Variants in CFAP299 observed in about 807,000 individuals in gnomAD.
CFAP299 encodes the protein cilia and flagella associated protein 299, also known as cilia- and flagella-associated protein 299.
Under a neutral mutation model 27.0 loss-of-function variants are expected in CFAP299, and 21 were observed. That is an observed-to-expected ratio of 0.78 (90% CI 0.55 to 1.12). The LOEUF (loss-of-function observed/expected upper bound fraction) is 1.12. Among genes scored for constraint, CFAP299 ranks in the 50% most tolerant of loss-of-function variants. CFAP299 has a pLI of 0.00. For missense variants in CFAP299, 310 were observed against 276.6 expected (o/e 1.12, Z -0.86); for synonymous variants, 104 against 98.1 (o/e 1.06, Z -0.36).
At chr4:80,446,700 T>C (rs1728630660) in intron 2 of CFAP299, among the ~76,000 whole-genome samples, 1 of 152,192 alleles carries the variant, frequency 6.6e-6, no homozygotes, top group South Asian at 2.1e-4. Context: ...GATTTTCTCC[T>C]TCCCAAATTT....
chr4:80,866,736 A>T (rs970108782), intron 3 of CFAP299, among the ~76,000 whole-genome samples: 1 of 152,172 alleles, frequency 6.6e-6, no homozygotes, highest in African/African-American at 2.4e-5. Context: ...CCAAGAATTC[A>T]CAAAAATCAC....
At chr4:80,327,411 A>G in the CFAP299 span, among the ~76,000 whole-genome samples, 2 of 151,996 alleles carry the variant, frequency 1.3e-5, no homozygotes, top group Non-Finnish European at 2.9e-5. Context: ...TTCATAAGCC[A>G]AGGGAATGAT....
chr4:80,421,440 A>G (rs1219124701), intron 2 of CFAP299, among the ~76,000 whole-genome samples: 2 of 152,234 alleles, frequency 1.3e-5, no homozygotes, highest in African/African-American at 2.4e-5. Context: ...TAGAAAGCCA[A>G]TAGATTTACT....
intron 3 of CFAP299, among the ~76,000 whole-genome samples, chr4:80,715,662 A>T (rs1722437933): frequency 2.0e-5 from 3 of 152,144 alleles, no homozygotes; most frequent in Admixed American, 2.0e-4. Flanking sequence ...CAAAAAACAA[A>T]AACTGGTTTA....
intron 3 of CFAP299, among the ~76,000 whole-genome samples, chr4:80,640,178 A>T (rs377400186): frequency 6.6e-6 from 1 of 152,194 alleles, no homozygotes; most frequent in Non-Finnish European, 1.5e-5. Context: ...TTCTGAGTTC[A>T]TGTTGCTGGT....
intron 3 of CFAP299, among the ~76,000 whole-genome samples, chr4:80,831,127 A>C (rs1458326557): frequency 1.3e-5 from 2 of 152,128 alleles, no homozygotes; most frequent in East Asian, 3.9e-4. Context: ...TGGTAACACC[A>C]CTGACTGAAG....
At chr4:80,614,682 A>G (rs1382622406) in intron 3 of CFAP299, among the ~76,000 whole-genome samples, 2 of 151,984 alleles carry the variant, frequency 1.3e-5, no homozygotes, top group Admixed American at 1.3e-4. Flanking sequence ...TCTTAAGTTG[A>G]CAGATTAAGT....
chr4:80,510,816 G>C (rs989345209), intron 2 of CFAP299, among the ~76,000 whole-genome samples: 1 of 152,156 alleles, frequency 6.6e-6, no homozygotes, highest in Non-Finnish European at 1.5e-5. Context: ...TTTATCATTT[G>C]TAGTATGTAC....
intron 3 of CFAP299, among the ~76,000 whole-genome samples, chr4:80,724,613 G>A (rs1033694874): frequency 6.6e-6 from 1 of 151,856 alleles, no homozygotes; most frequent in Non-Finnish European, 1.5e-5. Context: ...ACAATAAAAA[G>A]CAGGCCTTTT....
chr4:80,388,005 G>A (rs1560541696), intron 2 of CFAP299: 1 of 714,132 alleles, frequency 1.4e-6, no homozygotes, highest in Non-Finnish European at 2.5e-6. Flanking sequence ...CACTGGTTTG[G>A]CACCTCCAGG....
the CFAP299 span, among the ~76,000 whole-genome samples, chr4:80,326,502 G>C: frequency 6.6e-6 from 1 of 152,216 alleles, no homozygotes; most frequent in African/African-American, 2.4e-5. Flanking sequence ...AGTCGCTACA[G>C]TGGTGTGATG....
chr4:80,710,736 A>G (rs1722111533), intron 3 of CFAP299, among the ~76,000 whole-genome samples: 2 of 151,866 alleles, frequency 1.3e-5, no homozygotes, highest in Admixed American at 1.3e-4. Flanking sequence ...TGAGCTTGAA[A>G]CTTCTCTACC....
intron 2 of CFAP299, among the ~76,000 whole-genome samples, chr4:80,544,863 C>A (rs892690454): frequency 7.9e-5 from 12 of 152,108 alleles, no homozygotes; most frequent in Non-Finnish European, 1.5e-5. Flanking sequence ...ACCAACTGGA[C>A]CTCCTAAACA....
chr4:80,539,826 G>T (rs1328093870), intron 2 of CFAP299, among the ~76,000 whole-genome samples: 1 of 152,158 alleles, frequency 6.6e-6, no homozygotes. Flanking sequence ...CTGTCTTGCT[G>T]CCAGGACATA....
Position 80,494,899 on chromosome 4 carries a change from A to G in CFAP299, c.243-88194A>G, listed in dbSNP as rs866112695. ...AAGAGAGGGCTACAGGCCCCACACA[A>G]GTTCAAATTCTAGCAGGTCAGTCAT... On this transcript the variant is annotated intron_variant, in intron 2 of 5. Coordinates refer to ENST00000358105, the MANE Select transcript of CFAP299 (RefSeq NM_152770.3). 6.6e-5 allele frequency among the ~76,000 whole-genome samples: 10 copies of G among 152,210 alleles called. No homozygotes were observed. The East Asian group carries it at 1.2e-3, about 18-fold the overall frequency.
intron 4 of CFAP299, among the ~76,000 whole-genome samples, chr4:80,897,115 C>G (rs997749182): frequency 1.3e-5 from 2 of 152,090 alleles, no homozygotes; most frequent in African/African-American, 4.8e-5. Context: ...ATTCAGTAAT[C>G]TTAACCTTCT....
At chr4:80,743,227 C>T (rs1724384295) in intron 3 of CFAP299, among the ~76,000 whole-genome samples, 1 of 151,178 alleles carries the variant, frequency 6.6e-6, no homozygotes, top group South Asian at 2.1e-4. Context: ...GAAACCCTGT[C>T]TCTACTAAAA....
At chr4:80,585,187 G>A (rs1736371121) in intron 3 of CFAP299, among the ~76,000 whole-genome samples, 1 of 152,042 alleles carries the variant, frequency 6.6e-6, no homozygotes, top group African/African-American at 2.4e-5. Flanking sequence ...ATATAGTTAA[G>A]GAAGGGATAG....
At chr4:80,416,986 T>C (rs533859158) in intron 2 of CFAP299, among the ~76,000 whole-genome samples, 3 of 152,370 alleles carry the variant, frequency 2.0e-5, no homozygotes, top group South Asian at 2.1e-4. Context: ...AAGGAATGGC[T>C]ACTCCATAGG....
Sources: gnomAD v4.1 joint callset for allele counts (sites outside exome capture counted in the v4.1 genomes callset) on GRCh38, gnomAD v4.1.1 for gene constraint, MANE v1.5 for transcripts, NCBI Gene and HGNC (gene_info 2026-07-23, HGNC 2026-07-21) for gene names.